Variants in CD8A observed in about 807,000 individuals in gnomAD.
CD8A encodes T-cell surface glycoprotein CD8 alpha chain.
Under a neutral mutation model 24.2 loss-of-function variants are expected in CD8A, and 25 were observed. That is an observed-to-expected ratio of 1.03 (90% CI 0.75 to 1.44). The LOEUF (loss-of-function observed/expected upper bound fraction) is 1.44. CD8A is among the 40% of genes most tolerant of loss of function. The probability of loss-of-function intolerance (pLI) is 0.00; values close to 1 mark genes in which losing one functional copy is unlikely to be tolerated. For synonymous variants in CD8A, 165 were observed against 149.9 expected (o/e 1.10, Z -0.74); for missense variants, 360 against 319.7 (o/e 1.13, Z -0.96).
chr2:86,797,548 G>A (rs988386532), intron 3 of CD8A, among the ~76,000 whole-genome samples: 1 of 152,136 alleles, frequency 6.6e-6, no homozygotes, highest in Non-Finnish European at 1.5e-5. Flanking sequence ...GATAAGATGA[G>A]GAGGACTCAC....
rs1247420388 is a variant in CD8A at position 86,785,058 on chromosome 2, G to A, written c.*862C>T. 2.2e-6 allele frequency: 1 copy of A among 453,942 alleles called. No individual in the cohort carries two copies. Among genetic ancestry groups the A allele is most frequent in the Non-Finnish European group, 4.4e-6 (1 of 226,796 alleles). 28.1% of individuals were successfully genotyped at this position (453,942 alleles called of 1,614,324 possible). ...GTATCTCAAATTCAGAGATTCAAGA[G>A]GGCCTTAGTTTAACCTCACTGATGC... On this transcript the variant is annotated 3_prime_UTR_variant, in exon 6 of 6. Coordinates refer to ENST00000283635, the MANE Select transcript of CD8A (RefSeq NM_001768.7).
rs181000317 is a variant in CD8A, at chr2:86,785,833, G to A, written c.*87C>T. The A allele has an allele frequency of 2.1e-6, 2 of 946,658 alleles. No individual in the cohort carries two copies. The highest frequency in any genetic ancestry group is 3.4e-5 in the Admixed American group (2 of 59,202). The allele number at this position is 946,658 out of a possible 1,614,324, so 58.6% of individuals were successfully genotyped here. ...ATCATGAGAATGAATACACAGGGAG[G>A]AAGACTGGAAAAAATGAAAGGGAAG... is the stretch of plus-strand genomic sequence containing the variant. On this transcript the variant is annotated 3_prime_UTR_variant, in exon 6 of 6. Transcript: ENST00000283635.
intron 5 of CD8A, 101 bp downstream of exon 5, chr2:86,788,429 A>C: frequency 1.1e-6 from 1 of 925,672 alleles, no homozygotes; most frequent in Non-Finnish European, 1.8e-6. Context: ...CACGGCCATG[A>C]CCTCTCTCTG....
intron 3 of CD8A, among the ~76,000 whole-genome samples, chr2:86,799,485 G>A (rs966603691): frequency 1.3e-5 from 2 of 152,086 alleles, no homozygotes; most frequent in East Asian, 1.9e-4. Context: ...GGCCGGGCAC[G>A]GTGGCTCACG....
chr2:86,789,792 T>G, intron 2 of CD8A, 42 bp from the exon 3 acceptor site: 1 of 1,104,958 alleles, frequency 9.1e-7, no homozygotes. Flanking sequence ...AGGCTGGGGT[T>G]ATGGAGGCGC....
intron 2 of CD8A, among the ~76,000 whole-genome samples, chr2:86,805,949 T>C (rs1673838808): frequency 6.6e-6 from 1 of 152,158 alleles, no homozygotes; most frequent in African/African-American, 2.4e-5. Context: ...CTCTTTCTTT[T>C]TCTTTTTCTC....
rs1673185334 is a variant in CD8A, at chr2:86,789,683, CA to C, written c.470del (p.Leu157ArgfsTer135). On this transcript the variant is annotated frameshift_variant, in exon 3 of 6. Transcript: ENST00000283635. LOFTEE classifies it high-confidence loss of function. ...GCCGGCACGCCTCTGGGCGCAGGGA[CA>C]GGGGCTGCGACGCGATGGTGGGCGC... is the stretch of plus-strand genomic sequence containing the variant. ...TPAPTIASQP[L>X]SLRPEACRPA... 1 of 1,439,138 alleles carries C rather than the reference CA, an allele frequency of 6.9e-7. No individual in the cohort carries two copies. Among genetic ancestry groups the C allele is most frequent in the African/African-American group, 1.5e-5 (1 of 67,478 alleles). The allele number at this position is 1,439,138 out of a possible 1,614,324, so 89.1% of individuals were successfully genotyped here.
At chr2:86,807,692 G>A (rs999711980) in exon 2 of CD8A, 2 of 153,008 alleles carry the variant, frequency 1.3e-5, no homozygotes, top group Non-Finnish European at 2.9e-5. Flanking sequence ...ACAGGCGCAC[G>A]AGGAGCCCAG....
intron 4 of CD8A, 21 bp downstream of exon 4, chr2:86,789,302 C>T (rs1166924852): frequency 1.3e-6 from 2 of 1,503,938 alleles, no homozygotes; most frequent in South Asian, 2.2e-5. Flanking sequence ...CTCCTTCCCG[C>T]CGCGATTCCT....
At chr2:86,795,097 A>G (rs747657228), upstream of CD8A, among the ~76,000 whole-genome samples, 5 of 152,088 alleles carry the variant, frequency 3.3e-5, no homozygotes, top group African/African-American at 4.8e-5. Flanking sequence ...CTGGAGCACA[A>G]TGGTTTGTTT....
At chr2:86,788,430 C>G in intron 5 of CD8A, 100 bp downstream of exon 5, 1 of 942,966 alleles carries the variant, frequency 1.1e-6, no homozygotes, top group East Asian at 2.5e-5. Flanking sequence ...ACGGCCATGA[C>G]CTCTCTCTGG....
intron 5 of CD8A, among the ~76,000 whole-genome samples, chr2:86,787,898 A>AGAGAGAGAGTGTGTGTGTGTGTGT (rs369993109): frequency 1.2e-4 from 18 of 144,598 alleles, no homozygotes; most frequent in Admixed American, 3.5e-4. Context: ...AGAGAGAGAG[A>AGAGAGAGAGTGTGTGTGTGTGTGT]GTGTGTGTGT....
At position 86,789,345 on chromosome 2, in the gene CD8A, A is replaced by G; in HGVS notation, c.603T>C (p.Val201=). 6.2e-7 allele frequency: 1 copy of G among 1,611,098 alleles called. No individual in the cohort carries two copies. Among genetic ancestry groups the G allele is most frequent in the Non-Finnish European group, 8.5e-7 (1 of 1,177,226 alleles). ...TACTGTGGTTGCAGTAAAGGGTGAT[A>G]ACCAGTGACAGGAGAAGGACCCCAC... ...GTCGVLLLSL[V]ITLYCNHRNR... The change falls in exon 4 of 6, where the codon GTT becomes GTC. Residue 201 remains valine, a synonymous_variant. Coordinates refer to ENST00000283635, the MANE Select transcript of CD8A (RefSeq NM_001768.7).
At chr2:86,789,799 G>GCGCCCC (rs142496274) in intron 2 of CD8A, 49 bp from the exon 3 acceptor site, 178,701 of 1,098,392 alleles carry the variant, frequency 0.16, 16,744 homozygotes, top group African/African-American at 0.29. Context: ...GGTTATGGAG[G>GCGCCCC]CGCCCCAGCC....
At chr2:86,789,992 C>T (rs1673206688) in intron 2 of CD8A, among the ~76,000 whole-genome samples, 1 of 152,254 alleles carries the variant, frequency 6.6e-6, no homozygotes, top group African/African-American at 2.4e-5. Context: ...CTGCACCTGG[C>T]CTCTCTCCCG....
At chr2:86,793,103 G>C (rs1473921896), upstream of CD8A, among the ~76,000 whole-genome samples, 1 of 152,144 alleles carries the variant, frequency 6.6e-6, no homozygotes, top group African/African-American at 2.4e-5. Flanking sequence ...AGACACATGG[G>C]ATTGTATGAG....
intron 3 of CD8A, among the ~76,000 whole-genome samples, chr2:86,797,532 G>T (rs1673521997): frequency 6.6e-6 from 1 of 152,146 alleles, no homozygotes; most frequent in Non-Finnish European, 1.5e-5. Context: ...TTTGCCATTG[G>T]TGGATGATAA....
chr2:86,806,635 C>T (rs73947270), intron 2 of CD8A, among the ~76,000 whole-genome samples: 12,140 of 152,272 alleles, frequency 0.08, 1,475 homozygotes, highest in African/African-American at 0.27. Context: ...AATCCCAGCA[C>T]TTTGGGAGGC....
chr2:86,794,435 A>G (rs1167270858), upstream of CD8A, among the ~76,000 whole-genome samples: 2 of 152,180 alleles, frequency 1.3e-5, no homozygotes, highest in Non-Finnish European at 2.9e-5. Context: ...CTGTGTCCCC[A>G]TCGCCAATTC....
Sources: gnomAD v4.1 joint callset for allele counts (sites outside exome capture counted in the v4.1 genomes callset) on GRCh38, gnomAD v4.1.1 for gene constraint, MANE v1.5 for transcripts, NCBI Gene and HGNC (gene_info 2026-07-23, HGNC 2026-07-21) for gene names.